The following DCDC2 variants were observed in gnomAD, a reference collection of about 807,000 sequenced individuals.
The protein encoded by DCDC2 is doublecortin domain containing 2.
A neutral mutation model predicts 50.2 loss-of-function variants in DCDC2; 40 were observed. That is an observed-to-expected ratio of 0.80 (90% CI 0.62 to 1.04). The LOEUF (loss-of-function observed/expected upper bound fraction) is 1.04. Ranked by LOEUF, DCDC2 falls within the 50% of genes least tolerant of loss-of-function variation. The pLI, the probability that DCDC2 is intolerant of heterozygous loss-of-function variation, is 0.00. For missense variants in DCDC2, 570 were observed against 581.9 expected, an observed-to-expected ratio of 0.98 and a Z score of 0.21; for synonymous variants, 234 against 210.6, an observed-to-expected ratio of 1.11 and a Z score of -0.96.
chr6:24,243,538 G>A (rs1387726188), intron 7 of DCDC2, among the ~76,000 whole-genome samples: 1 of 151,974 alleles, frequency 6.6e-6, no homozygotes, highest in Non-Finnish European at 1.5e-5. Flanking sequence ...TCTTATGAGT[G>A]TTAGCTATTG....
chr6:24,370,638 AGATCAAG>A, the DCDC2 span, among the ~76,000 whole-genome samples: 1 of 152,348 alleles, frequency 6.6e-6, no homozygotes, highest in Admixed American at 6.5e-5. Context: ...CGGGCCTGGG[AGATCAAG>A]GCTGTAGCAA....
chr6:24,351,299 T>G (rs372237964), intron 2 of DCDC2, among the ~76,000 whole-genome samples: 5 of 152,006 alleles, frequency 3.3e-5, no homozygotes, highest in African/African-American at 1.2e-4. Context: ...ACATGTGAAG[T>G]GAGGGAAGTG....
chr6:24,328,601 A>G (rs1354498579), intron 2 of DCDC2, among the ~76,000 whole-genome samples: 1 of 152,150 alleles, frequency 6.6e-6, no homozygotes, highest in Non-Finnish European at 1.5e-5. Context: ...TAGCCAACAC[A>G]GCTGCTAAAT....
At chr6:24,180,442 G>T (rs909526505) in intron 8 of DCDC2, among the ~76,000 whole-genome samples, 3 of 151,838 alleles carry the variant, frequency 2.0e-5, no homozygotes, top group Non-Finnish European at 4.4e-5. Flanking sequence ...CCGCCACCAC[G>T]CCCGGCTAAA....
chr6:24,335,146 C>G (rs1370095752), intron 2 of DCDC2, among the ~76,000 whole-genome samples: 4 of 152,140 alleles, frequency 2.6e-5, no homozygotes, highest in African/African-American at 9.7e-5. Context: ...GACCTGACAG[C>G]CCCCAAAATT....
intron 8 of DCDC2, among the ~76,000 whole-genome samples, chr6:24,191,641 T>C (rs146958661): frequency 2.6e-5 from 4 of 152,300 alleles, no homozygotes; most frequent in African/African-American, 9.6e-5. Context: ...CAGGCTACCA[T>C]CCCTATTGCG....
At chr6:24,274,348 G>C (rs1763303556) in intron 7 of DCDC2, among the ~76,000 whole-genome samples, 1 of 152,110 alleles carries the variant, frequency 6.6e-6, no homozygotes, top group African/African-American at 2.4e-5. Context: ...GGAGAATATA[G>C]CTAGTTGCCA....
intron 8 of DCDC2, among the ~76,000 whole-genome samples, chr6:24,199,116 C>A (rs1254268869): frequency 6.6e-6 from 1 of 152,232 alleles, no homozygotes; most frequent in Non-Finnish European, 1.5e-5. Flanking sequence ...CCTGCTGGCT[C>A]TGAAGAGAGC....
intron 8 of DCDC2, among the ~76,000 whole-genome samples, chr6:24,184,297 G>A (rs1334427537): frequency 6.6e-6 from 1 of 152,154 alleles, no homozygotes. Context: ...CTGAGGCTGG[G>A]CATGGTGGCT....
intron 1 of DCDC2, among the ~76,000 whole-genome samples, chr6:24,355,587 C>G (rs1454180948): frequency 4.6e-5 from 7 of 152,166 alleles, no homozygotes; most frequent in Admixed American, 1.3e-4. Context: ...TTAGCTGAGT[C>G]AAGCGACTTG....
At chr6:24,301,237 G>A (rs886139141) in intron 4 of DCDC2, among the ~76,000 whole-genome samples, 3 of 151,862 alleles carry the variant, frequency 2.0e-5, no homozygotes, top group African/African-American at 7.3e-5. Context: ...CGGGCGTGGT[G>A]GTGGGCGCCT....
intron 7 of DCDC2, among the ~76,000 whole-genome samples, chr6:24,241,910 G>A (rs1221456600): frequency 1.3e-5 from 2 of 152,206 alleles, no homozygotes; most frequent in African/African-American, 2.4e-5. Context: ...CGTGGCTCAT[G>A]CCTATAATTC....
chr6:24,220,873 A>AGAGACAGG (rs1182236876), intron 7 of DCDC2, among the ~76,000 whole-genome samples: 1 of 143,670 alleles, frequency 7.0e-6, no homozygotes, highest in South Asian at 2.4e-4. Context: ...AGAGAGCAAG[A>AGAGACAGG]GAGCGAGAGC....
the DCDC2 span, among the ~76,000 whole-genome samples, chr6:24,378,556 C>T: frequency 2.0e-5 from 3 of 152,084 alleles, no homozygotes; most frequent in African/African-American, 7.2e-5. Flanking sequence ...AAGCTGCACT[C>T]GGTGGGATGT....
chr6:24,212,671 C>A (rs914390086), intron 7 of DCDC2, among the ~76,000 whole-genome samples: 5 of 152,216 alleles, frequency 3.3e-5, no homozygotes, highest in Non-Finnish European at 7.3e-5. Context: ...TGCTTGAATG[C>A]ACACTACACC....
At chr6:24,248,748 A>G (rs1762738146) in intron 7 of DCDC2, among the ~76,000 whole-genome samples, 1 of 152,218 alleles carries the variant, frequency 6.6e-6, no homozygotes, top group Admixed American at 6.5e-5. Context: ...CCTACCTCAT[A>G]TAAAACATAC....
At chr6:24,357,084 T>G in intron 1 of DCDC2, 1 of 173,010 alleles carries the variant, frequency 5.8e-6, no homozygotes, top group Non-Finnish European at 1.2e-5. Flanking sequence ...GAATGTTTAT[T>G]TAAATTAAAA....
In DCDC2 at chr6:24,266,042, C is replaced by T. The variant is rs983988802; in HGVS notation, c.922+12007G>A. The stretch of plus-strand genomic sequence containing the variant: ...CAGAGAACCCAGAAATAAATCCATA[C>T]ACCTACAATAAATTCATTTTTGACA... On this transcript the variant is annotated intron_variant, in intron 7 of 9. Coordinates refer to ENST00000378454, the MANE Select transcript of DCDC2 (RefSeq NM_016356.5). Among the ~76,000 whole-genome samples, 6 of 151,894 alleles carry T rather than the reference C, an allele frequency of 4.0e-5. No homozygotes were observed. In the East Asian group the frequency reaches 1.2e-3, roughly 29 times the overall value.
At chr6:24,374,252 G>C in the DCDC2 span, among the ~76,000 whole-genome samples, 1 of 151,496 alleles carries the variant, frequency 6.6e-6, no homozygotes, top group African/African-American at 2.4e-5. Flanking sequence ...GCAAAGAAGA[G>C]AGTAATGGGA....
Sources: gnomAD v4.1 joint callset for allele counts (sites outside exome capture counted in the v4.1 genomes callset) on GRCh38, gnomAD v4.1.1 for gene constraint, MANE v1.5 for transcripts, NCBI Gene and HGNC (gene_info 2026-07-23, HGNC 2026-07-21) for gene names.